Variants in MAF observed in about 807,000 individuals in gnomAD.
MAF encodes the protein MAF bZIP transcription factor.
A neutral mutation model predicts 22.0 loss-of-function variants in MAF; 10 were observed. The observed-to-expected ratio is 0.45, with a 90% confidence interval of 0.28 to 0.77. The LOEUF is 0.77. Among genes scored for constraint, MAF ranks in the 30% least tolerant of loss-of-function variants. MAF has a pLI of 0.12. For missense variants in MAF, 544 were observed against 548.4 expected (o/e 0.99, Z 0.08); for synonymous variants, 337 against 255.8 (o/e 1.32, Z -3.03).
chr16:79,312,527 T>C, the MAF span, among the ~76,000 whole-genome samples: 118 of 152,302 alleles, frequency 7.7e-4, 1 homozygote, highest in African/African-American at 2.8e-3. Flanking sequence ...TCCAAAACAG[T>C]TGTTTGCTCT....
the MAF span, among the ~76,000 whole-genome samples, chr16:79,207,068 T>G: frequency 2.6e-5 from 4 of 152,132 alleles, no homozygotes; most frequent in African/African-American, 9.7e-5. Context: ...TAGCCTCTCC[T>G]GGGGGAGTGT....
chr16:79,467,690 A>G, the MAF span, among the ~76,000 whole-genome samples: 9 of 152,160 alleles, frequency 5.9e-5, no homozygotes, highest in African/African-American at 2.2e-4. Flanking sequence ...GTGAATCGGA[A>G]ACTCTGGGGC....
the MAF span, among the ~76,000 whole-genome samples, chr16:79,389,561 TA>T: frequency 1.3e-5 from 2 of 152,140 alleles, no homozygotes; most frequent in African/African-American, 2.4e-5. Flanking sequence ...CGCGTCCAGC[TA>T]AAGATTGCTC....
At chr16:79,356,483 C>G in the MAF span, among the ~76,000 whole-genome samples, 6 of 152,142 alleles carry the variant, frequency 3.9e-5, no homozygotes, top group Non-Finnish European at 8.8e-5. Flanking sequence ...TTCTCCCTGC[C>G]TTCCTCACGT....
chr16:79,216,151 TCTGTATATGTATGTCGTGCAC>T, the MAF span, among the ~76,000 whole-genome samples: 1 of 150,016 alleles, frequency 6.7e-6, no homozygotes, highest in African/African-American at 2.5e-5. Flanking sequence ...GTCATGCACA[TCTGTATATGTATGTCGTGCAC>T]GTGTATATGT....
chr16:79,547,392 T>TCA, the MAF span, among the ~76,000 whole-genome samples: 72 of 151,530 alleles, frequency 4.8e-4, no homozygotes, highest in Non-Finnish European at 8.3e-4. Flanking sequence ...ACACACACAT[T>TCA]CACACACACA....
the MAF span, chr16:79,211,766 C>G: frequency 1.2e-6 from 2 of 1,614,126 alleles, no homozygotes; most frequent in African/African-American, 2.7e-5. Context: ...AGAGGCTGAT[C>G]CAAGAACGGC....
At chr16:79,502,980 T>A in the MAF span, among the ~76,000 whole-genome samples, 1 of 151,770 alleles carries the variant, frequency 6.6e-6, no homozygotes. Context: ...TAAAAAGCTA[T>A]CAGCTTTTAT....
chr16:79,306,444 A>C, the MAF span, among the ~76,000 whole-genome samples: 10 of 152,330 alleles, frequency 6.6e-5, no homozygotes, highest in South Asian at 4.1e-4. Flanking sequence ...TACACTTACC[A>C]GGGTAAGCCC....
At chr16:79,394,254 C>A in the MAF span, among the ~76,000 whole-genome samples, 1 of 152,214 alleles carries the variant, frequency 6.6e-6, no homozygotes, top group African/African-American at 2.4e-5. Context: ...AAAACAGCTT[C>A]CTTTCCTTCT....
the MAF span, among the ~76,000 whole-genome samples, chr16:79,351,561 A>G: frequency 6.6e-6 from 1 of 152,250 alleles, no homozygotes; most frequent in South Asian, 2.1e-4. Flanking sequence ...TCAGAGTCAC[A>G]GAGACCCAGA....
the MAF span, among the ~76,000 whole-genome samples, chr16:79,566,429 A>G: frequency 6.6e-6 from 1 of 152,328 alleles, no homozygotes; most frequent in South Asian, 2.1e-4. Context: ...TTGATGGCCC[A>G]GTGGATCCGT....
chr16:79,558,676 G>C, the MAF span, among the ~76,000 whole-genome samples: 13 of 152,112 alleles, frequency 8.5e-5, no homozygotes, highest in Admixed American at 6.6e-5. Flanking sequence ...AGGCCCTGAG[G>C]ATACACCGTT....
At chr16:79,595,879 G>A (rs961934309) in intron 1 of MAF, 128 of 1,058,608 alleles carry the variant, frequency 1.2e-4, no homozygotes, top group Non-Finnish European at 1.4e-4. Context: ...AGTAAGGAGT[G>A]GATTTTCTTT....
the MAF span, chr16:79,205,141 TA>T: frequency 2.6e-5 from 4 of 152,364 alleles, no homozygotes; most frequent in African/African-American, 9.6e-5. Flanking sequence ...GCCTGTCATT[TA>T]AAAGCTGCAT....
At chr16:79,513,062 G>A in the MAF span, among the ~76,000 whole-genome samples, 1 of 152,274 alleles carries the variant, frequency 6.6e-6, no homozygotes, top group African/African-American at 2.4e-5. Flanking sequence ...AAAGTTGCCT[G>A]TAAGCACCAG....
At chr16:79,418,867 G>A in the MAF span, among the ~76,000 whole-genome samples, 1 of 152,112 alleles carries the variant, frequency 6.6e-6, no homozygotes, top group East Asian at 1.9e-4. Flanking sequence ...CCAACACAGG[G>A]CCCCACACAA....
chr16:79,551,578 T>G, the MAF span, among the ~76,000 whole-genome samples: 1 of 152,214 alleles, frequency 6.6e-6, no homozygotes, highest in Non-Finnish European at 1.5e-5. Flanking sequence ...TTCCTGAAGC[T>G]GTGCCTCCCT....
chr16:79,226,800 A>G, the MAF span, among the ~76,000 whole-genome samples: 1 of 152,092 alleles, frequency 6.6e-6, no homozygotes, highest in Non-Finnish European at 1.5e-5. Context: ...TAAAATTTAG[A>G]AAAATGATGA....
Sources: gnomAD v4.1 joint callset for allele counts (sites outside exome capture counted in the v4.1 genomes callset) on GRCh38, gnomAD v4.1.1 for gene constraint, MANE v1.5 for transcripts, NCBI Gene and HGNC (gene_info 2026-07-23, HGNC 2026-07-21) for gene names.